Variants in KLHL12 observed in about 807,000 individuals in gnomAD.
The protein encoded by KLHL12 is kelch like family member 12, also known as kelch-like protein 12.
A neutral mutation model predicts 60.8 loss-of-function variants in KLHL12; 17 were observed. The observed-to-expected ratio is 0.28, with a 90% confidence interval of 0.19 to 0.42. The LOEUF (loss-of-function observed/expected upper bound fraction) is 0.42, where lower values mean the gene tolerates loss of function less well. Among genes scored for constraint, KLHL12 ranks in the 10% least tolerant of loss-of-function variants. The pLI is 1.00. For missense variants in KLHL12, 468 were observed against 722.3 expected, an observed-to-expected ratio of 0.65 and a Z score of 4.04; for synonymous variants, 220 against 250.9, an observed-to-expected ratio of 0.88 and a Z score of 1.16.
chr1:202,893,320 C>T lies in KLHL12; in HGVS notation c.1499G>A (p.Trp500Ter). 2 of 1,613,814 alleles carry T rather than the reference C, an allele frequency of 1.2e-6. No homozygotes were observed. Among genetic ancestry groups the T allele is most frequent in the Non-Finnish European group, 1.7e-6 (2 of 1,179,956 alleles). The change falls in exon 11 of 12, where the codon TGG becomes TAG. Residue 500 changes from tryptophan (W) to a stop codon, truncating the protein, a stop_gained. Transcript: ENST00000367261. LOFTEE classifies it high-confidence loss of function. The surrounding 1 kb of genome is among the most constrained non-coding windows in gnomAD (Gnocchi z 4.1). ...AGTGGTCATACTGGTGACAGTTGTC[C>T]AGGAATCAGTGCGAATGTTGTATGC... ...VEAYNIRTDS[W>*]TTVTSMTTPR...
At chr1:202,897,228 C>CTTTTTTTTTTTTT (rs11305071) in intron 6 of KLHL12, among the ~76,000 whole-genome samples, 2 of 82,262 alleles carry the variant, frequency 2.4e-5, no homozygotes, top group South Asian at 4.4e-4. Context: ...ATTTCTTTTT[C>CTTTTTTTTTTTTT]TTTTTTTTTT....
intron 6 of KLHL12, among the ~76,000 whole-genome samples, chr1:202,900,956 G>A (rs892363543): frequency 6.6e-6 from 1 of 152,058 alleles, no homozygotes; most frequent in African/African-American, 2.4e-5. Context: ...TGAGGCAGGA[G>A]AATCACTTGA....
Position 202,894,253 on chromosome 1 carries a change from A to C in KLHL12, c.1324T>G (p.Ser442Ala). 6.4e-7 allele frequency: 1 copy of C among 1,557,258 alleles called. No individual in the cohort carries two copies. The highest frequency in any genetic ancestry group is 8.7e-7 in the Non-Finnish European group (1 of 1,149,152). The change falls in exon 10 of 12, where the codon TCA (serine) becomes GCA (alanine). Residue 442 changes from serine (S) to alanine (A), a missense_variant. Physicochemically the swap from Ser to Ala is moderately conservative, Grantham distance 99. Around this residue, in one of 4 missense-constraint regions of KLHL12, gnomAD observed 339 missense variants for 525.0 expected, o/e 0.65. Coordinates refer to ENST00000367261, the MANE Select transcript of KLHL12 (RefSeq NM_021633.4). The stretch of plus-strand genomic sequence containing the variant: ...GTATGAGGGTCGTATTTCTCAACTG[A>C]ATTTAAGATATTCAAGCCGTCATAT... ...GGYDGLNILNSVEKYDPHTGH... is the reference protein window; with the variant it reads ...GGYDGLNILNAVEKYDPHTGH...
At chr1:202,907,462 G>A (rs1290204564) in intron 6 of KLHL12, among the ~76,000 whole-genome samples, 1 of 151,710 alleles carries the variant, frequency 6.6e-6, no homozygotes, top group East Asian at 1.9e-4. Flanking sequence ...ATTAGCCAGG[G>A]ATGGTGGCAG....
Position 202,927,154 on chromosome 1 carries a change from C to T in KLHL12, c.-111G>A. The T allele has an allele frequency of 1.0e-6, 1 of 985,278 alleles. No individual in the cohort carries two copies. Among genetic ancestry groups the T allele is most frequent in the Non-Finnish European group, 1.2e-6 (1 of 829,932 alleles). 61.0% of individuals were successfully genotyped at this position (985,278 alleles called of 1,614,324 possible). ...CAGCCTGTGGGGATGGAGTGCGGCGCGGGGCTAGCAGGCGGCTCGGGAGGA... is the reference window on the plus strand; with the variant it reads ...CAGCCTGTGGGGATGGAGTGCGGCGTGGGGCTAGCAGGCGGCTCGGGAGGA... On this transcript the variant is annotated 5_prime_UTR_variant, in exon 1 of 12. Transcript: ENST00000367261.
chr1:202,905,300 A>C (rs185085735), intron 6 of KLHL12, among the ~76,000 whole-genome samples: 1 of 152,326 alleles, frequency 6.6e-6, no homozygotes, highest in East Asian at 1.9e-4. Flanking sequence ...TGATTCACAA[A>C]AATTTTCATT....
At chr1:202,917,149 T>C (rs1417859029) in intron 4 of KLHL12, among the ~76,000 whole-genome samples, 1 of 152,200 alleles carries the variant, frequency 6.6e-6, no homozygotes, top group Non-Finnish European at 1.5e-5. Context: ...ACTTTTCTTC[T>C]GTGTAGGTTA....
rs375880693 is a variant in KLHL12, at chr1:202,912,399, C to T, written c.568-1196G>A. On this transcript the variant is annotated intron_variant, in intron 4 of 11. Transcript: ENST00000367261. Reference sequence around the variant, plus strand: ...TAGTGCTTCATCCAGCCAAAGAAGTCGAAGTGGTTCTGGAAACTTTGGTTT... The same window carrying T: ...TAGTGCTTCATCCAGCCAAAGAAGTTGAAGTGGTTCTGGAAACTTTGGTTT... 124 of 810,270 alleles carry T rather than the reference C, an allele frequency of 1.5e-4. 2 individuals are homozygous for T. Among genetic ancestry groups the T allele is most frequent in the South Asian group, 1.5e-3 (110 of 75,414 alleles). 50.2% of individuals were successfully genotyped at this position (810,270 alleles called of 1,614,324 possible).
chr1:202,903,577 A>G lies in KLHL12; in HGVS notation c.832+5433T>C, dbSNP rs1342062154. Among the ~76,000 whole-genome samples, 4 of 139,296 alleles carry G rather than the reference A, an allele frequency of 2.9e-5. No homozygotes were observed. The East Asian group carries it at 6.4e-4, about 22-fold the overall frequency. 91.4% of individuals were successfully genotyped at this position (139,296 alleles called of 152,430 possible). On this transcript the variant is annotated intron_variant, in intron 6 of 11. Transcript: ENST00000367261. ...ACCTCCTGGGCTCAAGCATCCTCCT[A>G]GCCTCCCACTTCAGCTTCCCTAGTA...
Position 202,925,218 on chromosome 1 carries a change from GA to G in KLHL12, c.-45-12del, listed in dbSNP as rs752706995. The G allele has an allele frequency of 1.5e-5, 24 of 1,553,502 alleles. No individual in the cohort carries two copies. Among genetic ancestry groups the G allele is most frequent in the Admixed American group, 7.9e-5 (4 of 50,946 alleles). On this transcript the variant is annotated splice_polypyrimidine_tract_variant and intron_variant, in intron 1 of 11. Transcript: ENST00000367261. The stretch of plus-strand genomic sequence containing the variant: ...CCTTGGATTCTGCAACTACAAGAGG[GA>G]AAAAAAAACAATGAGCATATTCAAA...
chr1:202,919,071 G>A (rs529974984), intron 3 of KLHL12, among the ~76,000 whole-genome samples: 1 of 152,322 alleles, frequency 6.6e-6, no homozygotes, highest in African/African-American at 2.4e-5. Context: ...GCAACATAGA[G>A]AGAACTCATC....
At chr1:202,916,478 CT>C (rs1660524671) in intron 4 of KLHL12, among the ~76,000 whole-genome samples, 1 of 152,194 alleles carries the variant, frequency 6.6e-6, no homozygotes, top group Non-Finnish European at 1.5e-5. Flanking sequence ...AACTCCGTCT[CT>C]GCTAAAAATA....
chr1:202,923,377 A>C (rs1660756058), intron 2 of KLHL12, among the ~76,000 whole-genome samples: 4 of 152,216 alleles, frequency 2.6e-5, no homozygotes, highest in Admixed American at 2.6e-4. Flanking sequence ...CATGGAGAAC[A>C]GTATAGGACA....
chr1:202,911,844 A>T (rs1333454456), intron 4 of KLHL12: 2 of 806,140 alleles, frequency 2.5e-6, no homozygotes, highest in Non-Finnish European at 4.4e-6. Context: ...AAGAGCCCAA[A>T]CAGCTGAGGA....
chr1:202,907,495 G>A (rs965374503), intron 6 of KLHL12, among the ~76,000 whole-genome samples: 1 of 151,468 alleles, frequency 6.6e-6, no homozygotes, highest in African/African-American at 2.4e-5. Context: ...CCAGCTACTC[G>A]GGAGTCTGAG....
chr1:202,923,146 G>T (rs10920523), intron 2 of KLHL12, among the ~76,000 whole-genome samples: 82,873 of 151,758 alleles, frequency 0.55, 23,430 homozygotes, highest in Non-Finnish European at 0.62. Context: ...CTTGCCTGAT[G>T]TCAGTTTTTA....
At position 202,909,136 on chromosome 1, in the gene KLHL12, C is replaced by G. The variant is rs964572474; in HGVS notation, c.718-12G>C. 1 of 1,563,136 alleles carries G rather than the reference C, an allele frequency of 6.4e-7. No individual in the cohort carries two copies. Among genetic ancestry groups the G allele is most frequent in the Admixed American group, 1.7e-5 (1 of 59,874 alleles). On this transcript the variant is annotated splice_polypyrimidine_tract_variant and intron_variant, in intron 5 of 11. Coordinates refer to ENST00000367261, the MANE Select transcript of KLHL12 (RefSeq NM_021633.4). This position sits in a 1 kb window ranked among gnomAD's most constrained non-coding sequence, Gnocchi z 4.1. ...CAGCGGATGAAAGGCTGAAATATAGCAGACAGCAGAGTTAGGCACTGGGGA... is the reference window on the plus strand; with the variant it reads ...CAGCGGATGAAAGGCTGAAATATAGGAGACAGCAGAGTTAGGCACTGGGGA...
chr1:202,911,154 T>C lies in KLHL12; in HGVS notation c.617A>G (p.His206Arg), dbSNP rs201463752. The C allele has an allele frequency of 5.6e-6, 9 of 1,614,178 alleles. No homozygotes were observed. Among genetic ancestry groups the C allele is most frequent in the Non-Finnish European group, 7.6e-6 (9 of 1,180,032 alleles). ...VFEAVINWVK[H>R]AKKEREESLP... ...GGATTCTTCCCGCTCTTTCTTGGCA[T>C]GCTTCACCCAGTTGATGACAGCCTC... Residue 206 changes from histidine to arginine, a missense_variant, in exon 5 of 12, where the codon CAT (histidine) becomes CGT (arginine). Transcript: ENST00000367261.
At chr1:202,898,979 G>A (rs1317989097) in intron 6 of KLHL12, among the ~76,000 whole-genome samples, 2 of 151,150 alleles carry the variant, frequency 1.3e-5, no homozygotes, top group African/African-American at 2.4e-5. Flanking sequence ...ACACGTGGAA[G>A]TATGACACAT....
Sources: allele counts gnomAD v4.1 joint callset (sites outside exome capture counted in the v4.1 genomes callset), GRCh38; gene constraint gnomAD v4.1.1; regional missense constraint gnomAD v4.1.1; non-coding constraint Gnocchi (gnomAD v3.1); transcripts MANE v1.5; gene names NCBI Gene and HGNC (gene_info 2026-07-23, HGNC 2026-07-21).